Variants in LDB3 observed in about 807,000 individuals in gnomAD.
LDB3 encodes LIM domain binding 3, also known as LIM domain-binding protein 3.
In LDB3, 49 loss-of-function variants were observed where a neutral mutation model predicts 69.0. The observed-to-expected ratio is 0.71, with a 90% CI of 0.56 to 0.90. The LOEUF (loss-of-function observed/expected upper bound fraction) is 0.90. LDB3 is among the 40% of genes least tolerant of loss of function. The pLI, the probability that LDB3 is intolerant of heterozygous loss-of-function variation, is 0.00. For missense variants in LDB3, 928 were observed against 974.1 expected, an observed-to-expected ratio of 0.95 and a Z score of 0.63; for synonymous variants, 387 against 396.2, an observed-to-expected ratio of 0.98 and a Z score of 0.28.
rs766395585 is a variant in LDB3, at chr10:86,718,027, C to A, written c.1740C>A (p.Cys580Ter). 5.0e-6 allele frequency: 8 copies of A among 1,614,064 alleles called. No homozygotes were observed. Among genetic ancestry groups the A allele is most frequent in the Non-Finnish European group, 1.7e-6 (2 of 1,180,034 alleles). Residue 580 changes from cysteine (C) to a stop codon, truncating the protein, a stop_gained, in exon 11 of 14, where the codon TGC (cysteine) becomes TGA (stop). Coordinates refer to ENST00000361373, the MANE Select transcript of LDB3 (RefSeq NM_007078.3). LOFTEE classifies it high-confidence loss of function. ...CTGAAGAGTTCACCTGTGCCTACTGCAAGACTTCCCTGGCAGATGTGTGCT... is the reference window on the plus strand; with the variant it reads ...CTGAAGAGTTCACCTGTGCCTACTGAAAGACTTCCCTGGCAGATGTGTGCT... ...WHPEEFTCAYCKTSLADVCFV... is the reference protein window; with the variant it reads ...WHPEEFTCAY
In LDB3 at chr10:86,734,583, C is replaced by G. The variant is rs542117406; in HGVS notation, c.*1607C>G. The stretch of plus-strand genomic sequence containing the variant: ...GGGAATGTATTAGAACTCTTTTCTT[C>G]TAAGGACTGAGACTTCCAGGGGATT... On this transcript the variant is annotated 3_prime_UTR_variant, in exon 14 of 14. Transcript: ENST00000361373. 4 of 152,314 alleles carry G rather than the reference C, an allele frequency of 2.6e-5. No individual in the cohort carries two copies. In the South Asian group the frequency reaches 8.3e-4, roughly 32 times the overall value. 9.4% of individuals were successfully genotyped at this position (152,314 alleles called of 1,614,324 possible).
intron 9 of LDB3, among the ~76,000 whole-genome samples, chr10:86,715,177 A>T (rs917095024): frequency 4.6e-5 from 7 of 151,846 alleles, no homozygotes; most frequent in Admixed American, 3.9e-4. Flanking sequence ...TGGGGGGCAG[A>T]GGCGGGGTGT....
upstream of LDB3, chr10:86,668,383 T>C: frequency 2.2e-6 from 1 of 451,080 alleles, no homozygotes; most frequent in East Asian, 4.5e-5. Context: ...CCAGGGGCTA[T>C]ATTAGCCGTG....
At chr10:86,705,470 T>C (rs1277878770) in intron 7 of LDB3, among the ~76,000 whole-genome samples, 2 of 152,218 alleles carry the variant, frequency 1.3e-5, no homozygotes, top group Admixed American at 1.3e-4. Flanking sequence ...TTCTTTGCTT[T>C]CCTATAATTT....
At chr10:86,706,441 T>C (rs1189534004) in intron 7 of LDB3, 90 bp from the exon 8 acceptor site, 3 of 1,419,812 alleles carry the variant, frequency 2.1e-6, no homozygotes, top group Non-Finnish European at 3.0e-6. Context: ...CCAGCCTGCC[T>C]CTGCTGCAGC....
At chr10:86,689,082 C>T (rs1273932327) in intron 5 of LDB3, among the ~76,000 whole-genome samples, 1 of 152,146 alleles carries the variant, frequency 6.6e-6, no homozygotes, top group African/African-American at 2.4e-5. Context: ...CCCATTTCTG[C>T]TGTTAATTTC....
chr10:86,686,960 C>T, intron 5 of LDB3: 1 of 983,364 alleles, frequency 1.0e-6, no homozygotes, highest in Non-Finnish European at 1.6e-6. Context: ...TGGGAGATCT[C>T]TCTCGACACC....
At chr10:86,724,822 T>C (rs1033431091) in intron 12 of LDB3, among the ~76,000 whole-genome samples, 13 of 152,254 alleles carry the variant, frequency 8.5e-5, no homozygotes, top group African/African-American at 2.9e-4. Context: ...ACTTACATTA[T>C]CTTATTTAAT....
At chr10:86,719,053 G>A (rs1846981908) in intron 12 of LDB3, among the ~76,000 whole-genome samples, 1 of 152,192 alleles carries the variant, frequency 6.6e-6, no homozygotes, top group Non-Finnish European at 1.5e-5. Context: ...CCATATGGTT[G>A]CAGCTTTGGG....
At chr10:86,701,319 G>A (rs532395859) in intron 7 of LDB3, among the ~76,000 whole-genome samples, 1 of 152,306 alleles carries the variant, frequency 6.6e-6, no homozygotes, top group East Asian at 1.9e-4. Context: ...GGCTGGCAAA[G>A]CCTCAGCCAA....
intron 9 of LDB3, among the ~76,000 whole-genome samples, chr10:86,713,020 C>T (rs1473914247): frequency 1.3e-5 from 2 of 151,898 alleles, no homozygotes; most frequent in African/African-American, 4.8e-5. Context: ...CGAGATTGCG[C>T]CACTGCACTC....
intron 5 of LDB3, chr10:86,687,092 A>G (rs1845520916): frequency 6.2e-7 from 1 of 1,613,974 alleles, no homozygotes; most frequent in Non-Finnish European, 8.5e-7. Flanking sequence ...GAACGCTTCA[A>G]CCCCAGTGCC....
At position 86,734,027 on chromosome 10, in the gene LDB3, G is replaced by A. The variant is rs1362087070; in HGVS notation, c.*1051G>A. 6.6e-6 allele frequency: 1 copy of A among 152,208 alleles called. No homozygotes were observed. The highest frequency in any genetic ancestry group is 1.5e-5 in the Non-Finnish European group (1 of 68,044). 9.4% of individuals were successfully genotyped at this position (152,208 alleles called of 1,614,324 possible). A position where few individuals can be genotyped will look rare whatever the true frequency, so the allele number is the denominator to read the frequency against. Reference sequence around the variant, plus strand: ...CTCACATGCCCAAACTCTGGGTGGGGAAGAGGAAACTTACTTTCTGCCACC... The same window carrying A: ...CTCACATGCCCAAACTCTGGGTGGGAAAGAGGAAACTTACTTTCTGCCACC... On this transcript the variant is annotated 3_prime_UTR_variant, in exon 14 of 14. Coordinates refer to ENST00000361373, the MANE Select transcript of LDB3 (RefSeq NM_007078.3).
rs1846136488 is a variant in LDB3 at position 86,699,052 on chromosome 10, TCTC to T, written c.896+6482_896+6484del. 6.6e-6 allele frequency among the ~76,000 whole-genome samples: 1 copy of T among 152,026 alleles called. No individual in the cohort carries two copies. Among genetic ancestry groups the T allele is most frequent in the East Asian group, 2.0e-4 (1 of 5,122 alleles). ...GTCCCTCCATCCTGGTCCCCAAGACTCTCGGTCTTCCCCTAACCCAGGCCTGAC... is the reference window on the plus strand; with the variant it reads ...GTCCCTCCATCCTGGTCCCCAAGACTGGTCTTCCCCTAACCCAGGCCTGAC... On this transcript the variant is annotated intron_variant, in intron 7 of 13. Coordinates refer to ENST00000361373, the MANE Select transcript of LDB3 (RefSeq NM_007078.3). The surrounding 1 kb of genome is among the most constrained non-coding windows in gnomAD (Gnocchi z 4.9).
intron 5 of LDB3, among the ~76,000 whole-genome samples, chr10:86,687,429 C>T (rs1315214069): frequency 6.6e-6 from 1 of 152,242 alleles, no homozygotes; most frequent in African/African-American, 2.4e-5. Flanking sequence ...CCTTCTGGAA[C>T]GTGGGTATCC....
At position 86,717,964 on chromosome 10, in the gene LDB3, G is replaced by A. The variant is rs1846936388; in HGVS notation, c.1677G>A (p.Arg559=). 2 of 1,613,924 alleles carry A rather than the reference G, an allele frequency of 1.2e-6. No homozygotes were observed. Among genetic ancestry groups the A allele is most frequent in the Non-Finnish European group, 8.5e-7 (1 of 1,179,884 alleles). ...TGGGTGCCATTCTGTGCTTCCCCAGGGGCCCATTTCTGGTAGCCATGGGCC... is the reference window on the plus strand; with the variant it reads ...TGGGTGCCATTCTGTGCTTCCCCAGAGGCCCATTTCTGGTAGCCATGGGCC... ...PLCGHCNNVI[R]GPFLVAMGRS... Residue 559 remains arginine, a splice_region_variant and synonymous_variant, in exon 11 of 14, where the codon CGG becomes CGA. Coordinates refer to ENST00000361373, the MANE Select transcript of LDB3 (RefSeq NM_007078.3).
chr10:86,725,097 G>A (rs1847211195), intron 12 of LDB3, among the ~76,000 whole-genome samples: 1 of 152,230 alleles, frequency 6.6e-6, no homozygotes, highest in Non-Finnish European at 1.5e-5. Flanking sequence ...AGCCAACTGT[G>A]GAAGAGTTAT....
At chr10:86,673,133 C>A (rs1844580172) in intron 2 of LDB3, among the ~76,000 whole-genome samples, 1 of 152,232 alleles carries the variant, frequency 6.6e-6, no homozygotes, top group Admixed American at 6.5e-5. Context: ...CAAGAATGGG[C>A]CTTGCTGGGG....
rs11314847 is a variant in LDB3 at position 86,734,994 on chromosome 10, GAA to G, written c.*2032_*2033del. ...TTATCAGGGGCTGGTCTTGAGGAAGGAAAAAAAAAAAAAAACGTTCCCAGAAT... is the reference window on the plus strand; with the variant it reads ...TTATCAGGGGCTGGTCTTGAGGAAGGAAAAAAAAAAAAACGTTCCCAGAAT... On this transcript the variant is annotated 3_prime_UTR_variant, in exon 14 of 14. Transcript: ENST00000361373. 0.24 allele frequency: 30,590 copies of G among 126,828 alleles called. 4,381 individuals are homozygous for G. Among genetic ancestry groups the G allele is most frequent in the East Asian group, 0.58 (2,637 of 4,562 alleles). The allele number at this position is 126,828 out of a possible 1,614,324, so 7.9% of individuals were successfully genotyped here.
Sources: gnomAD v4.1 joint callset for allele counts (sites outside exome capture counted in the v4.1 genomes callset) on GRCh38, gnomAD v4.1.1 for gene constraint, Gnocchi (gnomAD v3.1) non-coding constraint, MANE v1.5 for transcripts, NCBI Gene and HGNC (gene_info 2026-07-23, HGNC 2026-07-21) for gene names.